The following CILK1 variants were observed in gnomAD, a reference collection of about 807,000 sequenced individuals.
CILK1 encodes serine/threonine-protein kinase ICK.
A neutral mutation model predicts 79.2 loss-of-function variants in CILK1; 47 were observed. The observed-to-expected ratio is 0.59, with a 90% CI of 0.47 to 0.76. The LOEUF (loss-of-function observed/expected upper bound fraction) is 0.76, where lower values mean the gene tolerates loss of function less well. Ranked by LOEUF, CILK1 falls within the 30% of genes least tolerant of loss-of-function variation. The pLI is 0.00. For synonymous variants in CILK1, 266 were observed against 275.9 expected (o/e 0.96, Z 0.36); for missense variants, 660 against 769.5 (o/e 0.86, Z 1.68).
In CILK1 at chr6:53,013,704, G is replaced by A. The variant is rs1159629439; in HGVS notation, c.1110C>T (p.Ser370=). The change falls in exon 9 of 14, where the codon AGC becomes AGT. Residue 370 remains serine (S), a synonymous_variant. Transcript: ENST00000676107. The stretch of plus-strand genomic sequence containing the variant: ...TGTGGAGGGATGGGAAAAGCAACGG[G>A]CTTGGCTTGTCCTCCTGGAGATGGC... ...HPSHLQEDKP[S]PLLFPSLHNK... 1 of 1,584,282 alleles carries A rather than the reference G, an allele frequency of 6.3e-7. No homozygotes were observed. The highest frequency in any genetic ancestry group is 8.7e-7 in the Non-Finnish European group (1 of 1,154,126).
chr6:53,032,707 T>G, intron 3 of CILK1, 53 bp from the exon 4 acceptor site: 1 of 1,481,446 alleles, frequency 6.8e-7, no homozygotes, highest in Non-Finnish European at 9.2e-7. Flanking sequence ...GAAAATCTGT[T>G]GTTGAAAAAG....
intron 12 of CILK1, among the ~76,000 whole-genome samples, chr6:53,007,531 G>A (rs886960076): frequency 6.6e-6 from 1 of 152,222 alleles, no homozygotes; most frequent in Non-Finnish European, 1.5e-5. Context: ...AGTCTTGACA[G>A]TACCAAGTGG....
chr6:53,011,676 T>A, intron 11 of CILK1, 93 bp downstream of exon 11: 2 of 1,205,074 alleles, frequency 1.7e-6, no homozygotes, highest in South Asian at 2.4e-5. Context: ...CCCCCTAGTA[T>A]CTGCCTTCTA....
rs182184629 is a variant in CILK1 at position 53,057,114 on chromosome 6, C to T, written c.-173+4482G>A. ...ATTAATAACTATCTTTTGGGAACCA[C>T]AAGTTCATGCAGATAGTAACTTTCA... On this transcript the variant is annotated intron_variant, in intron 1 of 13. Coordinates refer to ENST00000676107, the MANE Select transcript of CILK1 (RefSeq NM_014920.5). Among the ~76,000 whole-genome samples, 257 of 152,324 alleles carry T rather than the reference C, an allele frequency of 1.7e-3. 1 individual carries two copies. Among genetic ancestry groups the T allele is most frequent in the Non-Finnish European group, 2.7e-3 (187 of 68,026 alleles).
intron 5 of CILK1, among the ~76,000 whole-genome samples, chr6:53,020,882 C>T (rs955138277): frequency 1.3e-5 from 2 of 152,184 alleles, no homozygotes; most frequent in African/African-American, 4.8e-5. Flanking sequence ...CACTATCATC[C>T]CTATGTTAAC....
At chr6:53,040,483 C>T (rs558849053) in intron 2 of CILK1, among the ~76,000 whole-genome samples, 1 of 152,348 alleles carries the variant, frequency 6.6e-6, no homozygotes, top group East Asian at 1.9e-4. Flanking sequence ...ACCCATAGAT[C>T]AACTCACAAT....
intron 3 of CILK1, among the ~76,000 whole-genome samples, chr6:53,035,243 G>A (rs1231001848): frequency 6.6e-6 from 1 of 152,076 alleles, no homozygotes; most frequent in Non-Finnish European, 1.5e-5. Context: ...AACTCAAGGG[G>A]AGAAGGGCTT....
In CILK1 at chr6:53,028,545, T is replaced by C. The variant is rs376608467; in HGVS notation, c.358+2520A>G. ...CTAGATAACACCTATTCGTTCTACC[T>C]GATAAATTGGCAAGGAAATAAGGTA... On this transcript the variant is annotated intron_variant, in intron 5 of 13. Transcript: ENST00000676107. Among the ~76,000 whole-genome samples, 15 of 152,326 alleles carry C rather than the reference T, an allele frequency of 9.8e-5. No individual in the cohort carries two copies. In the East Asian group the frequency reaches 1.7e-3, roughly 18 times the overall value.
chr6:53,018,090 G>A (rs1191352259), intron 7 of CILK1, among the ~76,000 whole-genome samples: 1 of 152,190 alleles, frequency 6.6e-6, no homozygotes, highest in Non-Finnish European at 1.5e-5. Context: ...TTCTGCAAGG[G>A]AGGTGAGATG....
At position 53,009,572 on chromosome 6, in the gene CILK1, T is replaced by TTTTAAAATGCA. The variant is rs775978951; in HGVS notation, c.1493-6_1493-5insTGCATTTTAAA. On this transcript the variant is annotated splice_polypyrimidine_tract_variant and splice_region_variant and intron_variant, in intron 11 of 13. Transcript: ENST00000676107. ...TGCCATTTCTTATACTGATCCCTGA[T>TTTTAAAATGCA]AGAGAAGAAATGATTTTAAAATGCA... 2.2e-5 allele frequency: 35 copies of TTTTAAAATGCA among 1,603,690 alleles called. 3 individuals are homozygous for TTTTAAAATGCA. The South Asian group carries it at 3.9e-4, about 18-fold the overall frequency.
chr6:53,038,101 G>A (rs1766475280), intron 2 of CILK1, 108 bp from the exon 3 acceptor site: 1 of 758,640 alleles, frequency 1.3e-6, no homozygotes, highest in Admixed American at 2.0e-5. Flanking sequence ...TACTTAAAGT[G>A]GGTTTAAATT....
intron 1 of CILK1, among the ~76,000 whole-genome samples, chr6:53,055,877 T>TA (rs1189919820): frequency 6.6e-6 from 1 of 151,842 alleles, no homozygotes; most frequent in African/African-American, 2.4e-5. Context: ...AAATAAAAAA[T>TA]AAAAAAACAG....
intron 3 of CILK1, among the ~76,000 whole-genome samples, chr6:53,032,993 T>C (rs564778036): frequency 1.3e-5 from 2 of 152,228 alleles, no homozygotes; most frequent in South Asian, 4.2e-4. Flanking sequence ...CAGAGGGGAA[T>C]CAATAAAAGA....
At chr6:53,020,819 C>A (rs966429702) in intron 5 of CILK1, among the ~76,000 whole-genome samples, 2 of 152,186 alleles carry the variant, frequency 1.3e-5, no homozygotes, top group African/African-American at 2.4e-5. Flanking sequence ...TTCTAATGTG[C>A]CTTCTCTACC....
At chr6:53,015,094 C>G (rs959143099) in intron 8 of CILK1, among the ~76,000 whole-genome samples, 9 of 152,310 alleles carry the variant, frequency 5.9e-5, no homozygotes, top group South Asian at 2.1e-4. Flanking sequence ...AATTATTCCT[C>G]CAACTATCAT....
rs965783688 is a variant in CILK1 at position 53,004,834 on chromosome 6, A to T, written c.*315T>A. ...CCCAAAGGAAAATCAATTAATTTTT[A>T]AAAAGTTCATTACAAAGTTGACTGT... On this transcript the variant is annotated 3_prime_UTR_variant, in exon 14 of 14. Coordinates refer to ENST00000676107, the MANE Select transcript of CILK1 (RefSeq NM_014920.5). 10 of 235,478 alleles carry T rather than the reference A, an allele frequency of 4.2e-5. No homozygotes were observed. Among genetic ancestry groups the T allele is most frequent in the African/African-American group, 2.3e-4 (10 of 43,510 alleles). The allele number at this position is 235,478 out of a possible 1,614,324, so 14.6% of individuals were successfully genotyped here. A position where few individuals can be genotyped will look rare whatever the true frequency, so the allele number is the denominator to read the frequency against.
intron 1 of CILK1, among the ~76,000 whole-genome samples, chr6:53,050,439 A>G (rs932131546): frequency 2.6e-5 from 4 of 151,660 alleles, no homozygotes; most frequent in Non-Finnish European, 5.9e-5. Flanking sequence ...GTGTGTGTAT[A>G]TATATATACA....
rs1764146100 is a variant in CILK1 at position 53,005,193 on chromosome 6, G to C, written c.1855C>G (p.His619Asp). 3 of 1,614,218 alleles carry C rather than the reference G, an allele frequency of 1.9e-6. No homozygotes were observed. The highest frequency in any genetic ancestry group is 2.5e-6 in the Non-Finnish European group (3 of 1,180,026). The change falls in exon 14 of 14, where the codon CAT (histidine) becomes GAT (aspartate). Residue 619 changes from histidine (H) to aspartate (D), a missense_variant. Transcript: ENST00000676107. ...TTGGAAGCCCAGTCTGTCCGGCCAT[G>C]CACTGGCTGGGCGGCTGGAGGCCGT... ...IPRPPAAQPV[H>D]GRTDWASKYA...
At chr6:53,028,160 A>AG (rs1156927024) in intron 5 of CILK1, among the ~76,000 whole-genome samples, 1 of 138,402 alleles carries the variant, frequency 7.2e-6, no homozygotes, top group East Asian at 2.1e-4. Context: ...AAAAAAAAAA[A>AG]AAAAAATTAG....
Sources: allele counts gnomAD v4.1 joint callset (sites outside exome capture counted in the v4.1 genomes callset), GRCh38; gene constraint gnomAD v4.1.1; transcripts MANE v1.5; gene names NCBI Gene and HGNC (gene_info 2026-07-23, HGNC 2026-07-21).